PLCB1: variants seen among roughly 807,000 people sequenced by gnomAD.
PLCB1 encodes 1-phosphatidylinositol 4,5-bisphosphate phosphodiesterase beta-1.
Under a neutral mutation model 161.8 loss-of-function variants are expected in PLCB1, and 46 were observed. The observed-to-expected ratio is 0.28, with a 90% CI of 0.22 to 0.36. The LOEUF (loss-of-function observed/expected upper bound fraction) is 0.36, where lower values mean the gene tolerates loss of function less well. Ranked by LOEUF, PLCB1 falls within the 10% of genes least tolerant of loss-of-function variation. The pLI is 1.00. For synonymous variants in PLCB1, 517 were observed against 503.7 expected (o/e 1.03, Z -0.35); for missense variants, 1,016 against 1,472.5 (o/e 0.69, Z 5.07).
At chr20:8,507,227 G>A (rs1412616195) in intron 3 of PLCB1, among the ~76,000 whole-genome samples, 1 of 152,138 alleles carries the variant, frequency 6.6e-6, no homozygotes, top group Non-Finnish European at 1.5e-5. Flanking sequence ...GGAGGAGGGG[G>A]CATGGGAGGA....
rs186967458 is a variant in PLCB1, at chr20:8,279,830, G to A, written c.178-91552G>A. On this transcript the variant is annotated intron_variant, in intron 2 of 31. Transcript: ENST00000338037. ...AGGCACAACTAAACTATGATGTATC[G>A]GGATGCAACTATCAGGATGAAGTAA... 6.6e-5 allele frequency among the ~76,000 whole-genome samples: 10 copies of A among 152,130 alleles called. No homozygotes were observed. The East Asian group carries it at 7.7e-4, about 12-fold the overall frequency.
At chr20:8,778,366 G>A (rs1983047668) in intron 27 of PLCB1, among the ~76,000 whole-genome samples, 1 of 152,082 alleles carries the variant, frequency 6.6e-6, no homozygotes, top group African/African-American at 2.4e-5. Flanking sequence ...CTCAGCATGA[G>A]GCACCATATG....
Position 8,774,622 on chromosome 20 carries a change from T to C in PLCB1, c.3014T>C (p.Leu1005Ser), listed in dbSNP as rs1412024463. The change falls in exon 27 of 32, where the codon TTA becomes TCA. Residue 1005 changes from leucine (L) to serine (S), a missense_variant. This residue lies in a region of PLCB1 where 398 missense variants were observed against 445.4 expected (regional missense o/e 0.89). Transcript: ENST00000338037. ...AALDAEMTQK[L>S]IDLKDKQQQQ... ...CTGGATGCTGAAATGACCCAAAAGT[T>C]AATAGACTTGAAGGACAAACAACAG... The C allele has an allele frequency of 6.2e-7, 1 of 1,613,888 alleles. No homozygotes were observed. The highest frequency in any genetic ancestry group is 1.3e-5 in the African/African-American group (1 of 74,926).
intron 3 of PLCB1, among the ~76,000 whole-genome samples, chr20:8,500,333 T>G (rs567231266): frequency 6.6e-6 from 1 of 152,224 alleles, no homozygotes; most frequent in Non-Finnish European, 1.5e-5. Flanking sequence ...CAATACCACA[T>G]ACATTTACAT....
intron 3 of PLCB1, among the ~76,000 whole-genome samples, chr20:8,494,460 A>G (rs534103844): frequency 6.6e-6 from 1 of 152,320 alleles, no homozygotes; most frequent in South Asian, 2.1e-4. Flanking sequence ...AATATTTTAA[A>G]ATTAGCAATG....
chr20:8,276,977 CTTCTTCTTCTTATTATTATTA>C (rs1477698357), intron 2 of PLCB1, among the ~76,000 whole-genome samples: 10 of 96,034 alleles, frequency 1.0e-4, no homozygotes, highest in African/African-American at 2.4e-4. Flanking sequence ...TCTTCTTCTT[CTTCTTCTTCTTATTATTATTA>C]TTATTATTAT....
intron 2 of PLCB1, among the ~76,000 whole-genome samples, chr20:8,182,737 T>C (rs967669167): frequency 2.0e-5 from 3 of 151,880 alleles, no homozygotes; most frequent in Non-Finnish European, 4.4e-5. Flanking sequence ...CCCGCAACCA[T>C]GCCCGGCTAA....
At chr20:8,740,095 CAT>C (rs1436911820) in intron 21 of PLCB1, among the ~76,000 whole-genome samples, 4 of 152,222 alleles carry the variant, frequency 2.6e-5, no homozygotes, top group African/African-American at 9.6e-5. Flanking sequence ...CAGTCTATGA[CAT>C]GTGATTTGGA....
At chr20:8,570,797 A>T (rs1200403830) in intron 3 of PLCB1, among the ~76,000 whole-genome samples, 1 of 152,200 alleles carries the variant, frequency 6.6e-6, no homozygotes, top group African/African-American at 2.4e-5. Context: ...AGTTGGAGTA[A>T]CCAGGTGTAT....
At chr20:8,499,010 A>G (rs1983294366) in intron 3 of PLCB1, among the ~76,000 whole-genome samples, 2 of 152,158 alleles carry the variant, frequency 1.3e-5, no homozygotes, top group African/African-American at 4.8e-5. Flanking sequence ...ATTATCCACA[A>G]ATCTTCCTGT....
intron 3 of PLCB1, among the ~76,000 whole-genome samples, chr20:8,458,820 C>A (rs921290067): frequency 2.6e-5 from 4 of 152,102 alleles, no homozygotes; most frequent in African/African-American, 9.7e-5. Flanking sequence ...AACACACCAC[C>A]CACTCCAGAA....
At chr20:8,829,051 T>C (rs1250488249) in intron 31 of PLCB1, among the ~76,000 whole-genome samples, 1 of 152,198 alleles carries the variant, frequency 6.6e-6, no homozygotes, top group Non-Finnish European at 1.5e-5. Flanking sequence ...AAAGCAAGTA[T>C]GGTGAAATGC....
intron 2 of PLCB1, among the ~76,000 whole-genome samples, chr20:8,263,376 A>G (rs1209250303): frequency 6.6e-6 from 1 of 152,184 alleles, no homozygotes; most frequent in African/African-American, 2.4e-5. Flanking sequence ...ATTATTTCAG[A>G]TTGTGACATT....
In PLCB1 at chr20:8,691,384, A is replaced by G. The variant is rs182993658; in HGVS notation, c.1010-6242A>G. On this transcript the variant is annotated intron_variant, in intron 10 of 31. Transcript: ENST00000338037. ...AAGTAAAAACTGTATTTATAGAAACATTATTTCATATAAAGAGTGGTGGAA... is the reference window on the plus strand; with the variant it reads ...AAGTAAAAACTGTATTTATAGAAACGTTATTTCATATAAAGAGTGGTGGAA... Among the ~76,000 whole-genome samples the G allele has an allele frequency of 4.1e-3, 632 of 152,300 alleles. 6 individuals are homozygous for G. The highest frequency in any genetic ancestry group is 0.015 in the African/African-American group (610 of 41,570).
intron 3 of PLCB1, among the ~76,000 whole-genome samples, chr20:8,555,147 C>T (rs1985909210): frequency 6.6e-6 from 1 of 151,918 alleles, no homozygotes; most frequent in Admixed American, 6.6e-5. Context: ...ATAATTTTTG[C>T]TGGTTTTATC....
At chr20:8,477,463 C>A (rs758533281) in intron 3 of PLCB1, among the ~76,000 whole-genome samples, 1 of 152,126 alleles carries the variant, frequency 6.6e-6, no homozygotes, top group East Asian at 1.9e-4. Flanking sequence ...GGAGAGAACA[C>A]CAAAAATGTA....
At chr20:8,793,708 G>A (rs1039629703) in intron 31 of PLCB1, among the ~76,000 whole-genome samples, 8 of 152,152 alleles carry the variant, frequency 5.3e-5, no homozygotes, top group Non-Finnish European at 7.4e-5. Flanking sequence ...CCACAGGACC[G>A]AGGCAAAATT....
chr20:8,514,191 C>A (rs529559283), intron 3 of PLCB1, among the ~76,000 whole-genome samples: 6 of 151,916 alleles, frequency 3.9e-5, no homozygotes, highest in Admixed American at 3.9e-4. Context: ...GTAATTCTAG[C>A]ACTTTTGGTA....
intron 3 of PLCB1, among the ~76,000 whole-genome samples, chr20:8,521,516 C>A (rs2122883414): frequency 6.6e-6 from 1 of 152,058 alleles, no homozygotes; most frequent in Admixed American, 6.5e-5. Context: ...ACAGCCTGGG[C>A]AACATGGAGA....
Sources: gnomAD v4.1 joint callset for allele counts (sites outside exome capture counted in the v4.1 genomes callset) on GRCh38, gnomAD v4.1.1 for gene constraint, gnomAD v4.1.1 regional missense constraint, MANE v1.5 for transcripts, NCBI Gene and HGNC (gene_info 2026-07-23, HGNC 2026-07-21) for gene names.